SKAP1: variants seen among roughly 807,000 people sequenced by gnomAD.
SKAP1 encodes src kinase associated phosphoprotein 1.
A neutral mutation model predicts 58.5 loss-of-function variants in SKAP1; 44 were observed. That is an observed-to-expected ratio of 0.75 (90% CI 0.59 to 0.97). The LOEUF (loss-of-function observed/expected upper bound fraction) is 0.97. SKAP1 is among the 50% of genes least tolerant of loss of function. SKAP1 has a pLI of 0.00. For missense variants in SKAP1, 390 were observed against 435.2 expected, an observed-to-expected ratio of 0.90 and a Z score of 0.92; for synonymous variants, 127 against 149.7, an observed-to-expected ratio of 0.85 and a Z score of 1.11.
At chr17:48,337,504 G>A (rs2066589037) in intron 4 of SKAP1, among the ~76,000 whole-genome samples, 2 of 152,018 alleles carry the variant, frequency 1.3e-5, no homozygotes, top group Admixed American at 1.3e-4. Flanking sequence ...AACTCGTGAT[G>A]GAATAAGGAC....
chr17:48,408,440 C>T (rs2067617769), intron 1 of SKAP1, among the ~76,000 whole-genome samples: 1 of 151,854 alleles, frequency 6.6e-6, no homozygotes, highest in African/African-American at 2.4e-5. Flanking sequence ...CCAGAGCATA[C>T]AAAAAGAGGA....
intron 1 of SKAP1, among the ~76,000 whole-genome samples, chr17:48,401,798 T>C (rs978671203): frequency 6.6e-6 from 1 of 151,738 alleles, no homozygotes; most frequent in East Asian, 1.9e-4. Context: ...TTAAAAGCTA[T>C]TGTGCTTCAA....
chr17:48,242,266 C>G (rs1315932847), intron 4 of SKAP1, among the ~76,000 whole-genome samples: 2 of 152,114 alleles, frequency 1.3e-5, no homozygotes, highest in Non-Finnish European at 2.9e-5. Context: ...AGGGAATGAA[C>G]GTCGTTGATC....
chr17:48,347,516 G>C (rs572714678), intron 3 of SKAP1, among the ~76,000 whole-genome samples: 2 of 152,116 alleles, frequency 1.3e-5, no homozygotes, highest in African/African-American at 4.8e-5. Flanking sequence ...TTCAAATGCT[G>C]TATGGTAGGT....
At chr17:48,408,813 C>T (rs1053380660) in intron 1 of SKAP1, among the ~76,000 whole-genome samples, 4 of 152,146 alleles carry the variant, frequency 2.6e-5, no homozygotes, top group East Asian at 1.9e-4. Context: ...GACCAATATA[C>T]AATACATTTG....
intron 4 of SKAP1, among the ~76,000 whole-genome samples, chr17:48,219,786 A>G (rs2064980056): frequency 6.6e-6 from 1 of 152,198 alleles, no homozygotes; most frequent in South Asian, 2.1e-4. Context: ...ATCTGGCTGC[A>G]CACGGTGTCT....
chr17:48,266,492 C>G (rs1482900321), intron 4 of SKAP1, among the ~76,000 whole-genome samples: 1 of 150,706 alleles, frequency 6.6e-6, no homozygotes, highest in Non-Finnish European at 1.5e-5. Flanking sequence ...TTTTCCTTTT[C>G]TTTTTTTCTT....
intron 3 of SKAP1, among the ~76,000 whole-genome samples, chr17:48,353,837 G>A (rs2066836227): frequency 6.6e-6 from 1 of 150,768 alleles, no homozygotes; most frequent in Non-Finnish European, 1.5e-5. Flanking sequence ...GGCAGAGGTT[G>A]CAGTGAGCCG....
At chr17:48,176,059 GA>G (rs760485183) in intron 9 of SKAP1, among the ~76,000 whole-genome samples, 10 of 152,136 alleles carry the variant, frequency 6.6e-5, no homozygotes, top group Admixed American at 2.6e-4. Flanking sequence ...TGTACAGGGG[GA>G]AAAATAATTC....
At chr17:48,311,722 C>T (rs186634335) in intron 4 of SKAP1, among the ~76,000 whole-genome samples, 126 of 152,318 alleles carry the variant, frequency 8.3e-4, no homozygotes, top group Non-Finnish European at 1.2e-3. Context: ...CTCCTAGGAT[C>T]TTCACTCACG....
chr17:48,245,337 T>G (rs1340321497), intron 4 of SKAP1, among the ~76,000 whole-genome samples: 1 of 152,206 alleles, frequency 6.6e-6, no homozygotes. Flanking sequence ...AGGAACACAT[T>G]CTGACAAAAT....
chr17:48,138,815 C>T (rs2063734371), intron 11 of SKAP1, among the ~76,000 whole-genome samples: 2 of 151,778 alleles, frequency 1.3e-5, no homozygotes, highest in Admixed American at 6.6e-5. Context: ...TGTGCCCACT[C>T]TGAGTATGGG....
intron 4 of SKAP1, among the ~76,000 whole-genome samples, chr17:48,276,252 G>T (rs2144012194): frequency 6.6e-6 from 1 of 152,104 alleles, no homozygotes; most frequent in East Asian, 1.9e-4. Flanking sequence ...TCTCTTTCTA[G>T]GGAATCTTTA....
intron 10 of SKAP1, 36 bp from the exon 11 acceptor site, chr17:48,162,605 C>G (rs1379144828): frequency 6.5e-7 from 1 of 1,546,300 alleles, no homozygotes; most frequent in African/African-American, 1.4e-5. Context: ...GTTAAAAGGA[C>G]TCTATTTTTT....
chr17:48,205,015 T>TTCTTTCTTTG (rs751542564), intron 4 of SKAP1, among the ~76,000 whole-genome samples: 40 of 55,412 alleles, frequency 7.2e-4, no homozygotes, highest in Admixed American at 1.2e-3. Flanking sequence ...CTTTCTTTCT[T>TTCTTTCTTTG]TTTCTTTCTT....
At chr17:48,408,611 G>A (rs2067620334) in intron 1 of SKAP1, among the ~76,000 whole-genome samples, 1 of 152,092 alleles carries the variant, frequency 6.6e-6, no homozygotes, top group Non-Finnish European at 1.5e-5. Context: ...TATTGGGAAT[G>A]TAAAGATGTT....
intron 4 of SKAP1, chr17:48,308,510 C>T (rs2066179041): frequency 6.6e-6 from 1 of 152,166 alleles, no homozygotes; most frequent in Non-Finnish European, 1.5e-5. Flanking sequence ...TACTGCAAGG[C>T]TTTAAAAGGA....
intron 4 of SKAP1, among the ~76,000 whole-genome samples, chr17:48,209,355 CAG>C (rs2064844970): frequency 6.6e-6 from 1 of 152,088 alleles, no homozygotes; most frequent in Non-Finnish European, 1.5e-5. Context: ...TTTGTATTTA[CAG>C]AGTCTGGAAG....
At chr17:48,369,365 C>T (rs1279567074) in intron 2 of SKAP1, among the ~76,000 whole-genome samples, 6 of 151,292 alleles carry the variant, frequency 4.0e-5, no homozygotes, top group African/African-American at 1.5e-4. Context: ...GTGGTGTGCA[C>T]CTGCAGTCCC....
Sources: gnomAD v4.1 joint callset for allele counts (sites outside exome capture counted in the v4.1 genomes callset) on GRCh38, gnomAD v4.1.1 for gene constraint, MANE v1.5 for transcripts, NCBI Gene and HGNC (gene_info 2026-07-23, HGNC 2026-07-21) for gene names.